Variants in ASIC2 observed in about 807,000 individuals in gnomAD.
ASIC2 encodes the protein acid sensing ion channel subunit 2.
ASIC2 carries 25 observed loss-of-function variants against 57.3 expected under a neutral mutation model. The ratio of observed to expected loss-of-function variants is 0.44; its 90% CI spans 0.32 to 0.61. The LOEUF (loss-of-function observed/expected upper bound fraction) is 0.61, where lower values mean the gene tolerates loss of function less well. Ranked by LOEUF, ASIC2 falls within the 20% of genes least tolerant of loss-of-function variation. The pLI is 0.06. For synonymous variants in ASIC2, 319 were observed against 307.5 expected (o/e 1.04, Z -0.39); for missense variants, 641 against 738.1 (o/e 0.87, Z 1.52).
At chr17:33,763,787 T>C (rs1481965152) in intron 1 of ASIC2, among the ~76,000 whole-genome samples, 1 of 152,202 alleles carries the variant, frequency 6.6e-6, no homozygotes, top group Non-Finnish European at 1.5e-5. Context: ...ATATGTAAAG[T>C]CACTGAGATT....
intron 1 of ASIC2, among the ~76,000 whole-genome samples, chr17:33,829,819 T>G (rs1290461964): frequency 6.6e-6 from 1 of 152,174 alleles, no homozygotes; most frequent in Non-Finnish European, 1.5e-5. Flanking sequence ...CGCCTGGGCC[T>G]CCTAAAGTGC....
intron 1 of ASIC2, among the ~76,000 whole-genome samples, chr17:33,361,415 G>T (rs1225252053): frequency 1.3e-5 from 2 of 152,214 alleles, no homozygotes; most frequent in Non-Finnish European, 2.9e-5. Context: ...CTGTGGCTAG[G>T]AGAGTAATAA....
intron 3 of ASIC2, among the ~76,000 whole-genome samples, chr17:33,055,056 TTGGGG>T (rs2091992545): frequency 6.6e-6 from 1 of 152,178 alleles, no homozygotes; most frequent in South Asian, 2.1e-4. Flanking sequence ...AGGGTTGACA[TTGGGG>T]TGGTTTACCC....
chr17:34,012,397 C>A (rs923517780), intron 1 of ASIC2, among the ~76,000 whole-genome samples: 1 of 152,206 alleles, frequency 6.6e-6, no homozygotes, highest in Non-Finnish European at 1.5e-5. Flanking sequence ...TGCAATACCA[C>A]GGATTTTCCA....
chr17:33,072,231 T>C lies in ASIC2; in HGVS notation c.987+16632A>G, dbSNP rs531242176. On this transcript the variant is annotated intron_variant, in intron 3 of 9. Transcript: ENST00000225823. Reference sequence around the variant, plus strand: ...GCTGGGGCAATCATAGTGCTCACCTTTGCTTATTTCTCATCTCTTTGGGGT... The same window carrying C: ...GCTGGGGCAATCATAGTGCTCACCTCTGCTTATTTCTCATCTCTTTGGGGT... Among the ~76,000 whole-genome samples the C allele has an allele frequency of 5.3e-5, 8 of 152,332 alleles. No individual in the cohort carries two copies. In the East Asian group the frequency reaches 1.5e-3, roughly 29 times the overall value.
intron 1 of ASIC2, among the ~76,000 whole-genome samples, chr17:33,232,156 G>A (rs555021161): frequency 3.3e-5 from 5 of 152,224 alleles, no homozygotes; most frequent in South Asian, 2.1e-4. Context: ...CAGGTCATGC[G>A]GGTGGAACTA....
At chr17:33,498,166 C>T (rs921219004) in intron 1 of ASIC2, among the ~76,000 whole-genome samples, 3 of 152,360 alleles carry the variant, frequency 2.0e-5, no homozygotes, top group Admixed American at 2.0e-4. Context: ...AATGTGCTCA[C>T]AGTTGCTTCA....
intron 1 of ASIC2, among the ~76,000 whole-genome samples, chr17:33,721,497 G>T (rs1909386309): frequency 1.3e-5 from 2 of 152,144 alleles, no homozygotes; most frequent in Admixed American, 1.3e-4. Context: ...TGAGAAGGTG[G>T]CCTCATAAAA....
intron 1 of ASIC2, among the ~76,000 whole-genome samples, chr17:33,184,743 G>A (rs555059522): frequency 3.9e-5 from 6 of 152,266 alleles, no homozygotes; most frequent in Admixed American, 3.9e-4. Flanking sequence ...CCAATCCAAA[G>A]TAAGTGGCCT....
At chr17:33,639,093 G>A (rs1442010809) in intron 1 of ASIC2, among the ~76,000 whole-genome samples, 1 of 151,778 alleles carries the variant, frequency 6.6e-6, no homozygotes, top group East Asian at 2.0e-4. Flanking sequence ...GATACCATGG[G>A]AGCTCACCAT....
chr17:33,884,113 G>A (rs952731068), intron 1 of ASIC2, among the ~76,000 whole-genome samples: 20 of 152,190 alleles, frequency 1.3e-4, no homozygotes, highest in Admixed American at 1.1e-3. Flanking sequence ...TGTGTCCGGC[G>A]CTGGGTGTCA....
At chr17:33,145,500 C>T (rs565048601) in intron 1 of ASIC2, among the ~76,000 whole-genome samples, 1 of 152,350 alleles carries the variant, frequency 6.6e-6, no homozygotes, top group Non-Finnish European at 1.5e-5. Context: ...TGGCTTCCTG[C>T]AGAGATTAAT....
rs1913222336 is a variant in ASIC2 at position 33,834,781 on chromosome 17, C to T, written c.555+321197G>A. Among the ~76,000 whole-genome samples, 4 of 152,182 alleles carry T rather than the reference C, an allele frequency of 2.6e-5. No homozygotes were observed. The South Asian group carries it at 8.3e-4, about 31-fold the overall frequency. On this transcript the variant is annotated intron_variant, in intron 1 of 9. Transcript: ENST00000359872. ...TGCCCCAAGAGAGTGCTGCCTCTGT[C>T]TCTCCGTGGAACTAAACTATGATCT...
At chr17:33,132,957 C>T (rs773489787) in intron 1 of ASIC2, among the ~76,000 whole-genome samples, 10 of 152,112 alleles carry the variant, frequency 6.6e-5, no homozygotes, top group Non-Finnish European at 1.2e-4. Flanking sequence ...TTTTTGAGGT[C>T]GTTTATATAG....
chr17:33,820,952 G>T (rs1422335936), intron 1 of ASIC2, among the ~76,000 whole-genome samples: 1 of 152,238 alleles, frequency 6.6e-6, no homozygotes, highest in Admixed American at 6.5e-5. Context: ...CACCCAGCCA[G>T]CTTTAGATCT....
In ASIC2 at chr17:33,712,635, G is replaced by GTTTTT. The variant is rs1567695931; in HGVS notation, c.555+443342_555+443343insAAAAA. On this transcript the variant is annotated intron_variant, in intron 1 of 9. Coordinates refer to the ASIC2 transcript ENST00000359872. ...CTTTGCTTCCAAGCTTACTCATATG[G>GTTTTT]CTTTTTTTTTTTTTTTTTTTTTTTT... 1.5e-4 allele frequency among the ~76,000 whole-genome samples: 18 copies of GTTTTT among 123,324 alleles called. 1 individual carries two copies. Among genetic ancestry groups the GTTTTT allele is most frequent in the African/African-American group, 5.5e-4 (17 of 30,916 alleles). 80.9% of individuals were successfully genotyped at this position (123,324 alleles called of 152,430 possible).
At chr17:33,984,928 G>T (rs1905763234) in intron 1 of ASIC2, among the ~76,000 whole-genome samples, 1 of 152,170 alleles carries the variant, frequency 6.6e-6, no homozygotes, top group Non-Finnish European at 1.5e-5. Context: ...TAACATCTGG[G>T]TGTCTTTCTA....
intron 4 of ASIC2, among the ~76,000 whole-genome samples, chr17:33,027,705 G>C (rs1040422850): frequency 2.6e-5 from 4 of 152,194 alleles, no homozygotes; most frequent in Non-Finnish European, 5.9e-5. Context: ...TTCCTCCCCA[G>C]ATCAGCTTTC....
chr17:33,941,160 T>C (rs1916184088), intron 1 of ASIC2, among the ~76,000 whole-genome samples: 1 of 152,064 alleles, frequency 6.6e-6, no homozygotes, highest in Non-Finnish European at 1.5e-5. Context: ...TCAACTGTGG[T>C]GGAAACTCAT....
Sources: gnomAD v4.1 joint callset for allele counts (sites outside exome capture counted in the v4.1 genomes callset) on GRCh38, gnomAD v4.1.1 for gene constraint, MANE v1.5 for transcripts, NCBI Gene and HGNC (gene_info 2026-07-23, HGNC 2026-07-21) for gene names.